The following ZNF385D variants were observed in gnomAD, a reference collection of about 807,000 sequenced individuals.
ZNF385D encodes the protein zinc finger protein 385D.
Under a neutral mutation model 35.8 loss-of-function variants are expected in ZNF385D, and 15 were observed. That is an observed-to-expected ratio of 0.42 (90% CI 0.28 to 0.64). The LOEUF (loss-of-function observed/expected upper bound fraction) is 0.64, where lower values mean the gene tolerates loss of function less well. Ranked by LOEUF, ZNF385D falls within the 30% of genes least tolerant of loss-of-function variation. The pLI is 0.23. For missense variants in ZNF385D, 474 were observed against 494.6 expected (o/e 0.96, Z 0.39); for synonymous variants, 212 against 186.8 (o/e 1.13, Z -1.10).
At chr3:22,075,764 C>A (rs1175626139) in intron 3 of ZNF385D, among the ~76,000 whole-genome samples, 1 of 151,912 alleles carries the variant, frequency 6.6e-6, no homozygotes, top group Admixed American at 6.6e-5. Context: ...TTTCTCTGAG[C>A]TTTAGCTTCA....
chr3:21,955,424 C>T (rs1201376945), intron 3 of ZNF385D, among the ~76,000 whole-genome samples: 1 of 152,074 alleles, frequency 6.6e-6, no homozygotes, highest in Non-Finnish European at 1.5e-5. Context: ...AATGTTCTTC[C>T]ATATCCATCT....
chr3:22,164,544 A>C (rs1237082398), intron 3 of ZNF385D, among the ~76,000 whole-genome samples: 1 of 151,838 alleles, frequency 6.6e-6, no homozygotes, highest in Non-Finnish European at 1.5e-5. Flanking sequence ...ACACTTTTTA[A>C]AGGGAATTGA....
intron 5 of ZNF385D, 83 bp from the exon 6 acceptor site, chr3:21,425,753 A>G: frequency 7.5e-7 from 1 of 1,338,040 alleles, no homozygotes; most frequent in South Asian, 1.6e-5. Context: ...GAGGAAAAAA[A>G]TCTTAGCTAG....
chr3:22,208,475 C>T (rs1169453988), intron 2 of ZNF385D, among the ~76,000 whole-genome samples: 1 of 151,292 alleles, frequency 6.6e-6, no homozygotes, highest in African/African-American at 2.4e-5. Context: ...GGGGGGTTAA[C>T]CGAGTTGGTT....
chr3:22,158,145 A>G (rs1329003810), intron 3 of ZNF385D, among the ~76,000 whole-genome samples: 5 of 152,102 alleles, frequency 3.3e-5, no homozygotes, highest in African/African-American at 9.7e-5. Flanking sequence ...ACTTTCTGAC[A>G]TCTCCGGTTT....
chr3:21,726,429 C>T (rs1377899634), intron 1 of ZNF385D, among the ~76,000 whole-genome samples: 1 of 152,128 alleles, frequency 6.6e-6, no homozygotes, highest in East Asian at 1.9e-4. Context: ...TTAGAAAACT[C>T]CATCATCTCA....
chr3:21,514,429 A>G (rs879346286), intron 3 of ZNF385D, among the ~76,000 whole-genome samples: 2 of 152,146 alleles, frequency 1.3e-5, no homozygotes, highest in Admixed American at 1.3e-4. Flanking sequence ...AAATTGAATT[A>G]AGTTTAGCCT....
intron 3 of ZNF385D, among the ~76,000 whole-genome samples, chr3:22,081,620 G>A (rs555024181): frequency 6.6e-6 from 1 of 152,222 alleles, no homozygotes; most frequent in Admixed American, 6.5e-5. Context: ...GCCAACTGTT[G>A]TCACAGTAAG....
At chr3:21,690,942 G>C (rs182386066) in intron 1 of ZNF385D, among the ~76,000 whole-genome samples, 10 of 152,176 alleles carry the variant, frequency 6.6e-5, no homozygotes, top group Non-Finnish European at 1.3e-4. Flanking sequence ...CAAAATCTTG[G>C]AACTCTGGCG....
chr3:21,864,359 A>G (rs760590987), intron 3 of ZNF385D, among the ~76,000 whole-genome samples: 1 of 152,120 alleles, frequency 6.6e-6, no homozygotes, highest in Non-Finnish European at 1.5e-5. Context: ...GGAAAATTAC[A>G]AATTCTCTGA....
chr3:21,663,161 A>G (rs1290381945), intron 2 of ZNF385D, among the ~76,000 whole-genome samples: 1 of 152,208 alleles, frequency 6.6e-6, no homozygotes, highest in Non-Finnish European at 1.5e-5. Flanking sequence ...TAACCTCCCA[A>G]TAAAGAGACT....
chr3:21,996,384 T>A (rs923128554), intron 3 of ZNF385D, among the ~76,000 whole-genome samples: 1 of 152,248 alleles, frequency 6.6e-6, no homozygotes. Flanking sequence ...TTCCTTCATT[T>A]TCCATGCCTC....
At chr3:21,838,396 A>G (rs1340915308) in intron 3 of ZNF385D, among the ~76,000 whole-genome samples, 1 of 152,132 alleles carries the variant, frequency 6.6e-6, no homozygotes, top group African/African-American at 2.4e-5. Context: ...CTTGTTTGTG[A>G]ACAGCTTCCA....
chr3:21,757,849 T>C (rs928555241), intron 3 of ZNF385D, among the ~76,000 whole-genome samples: 2 of 152,228 alleles, frequency 1.3e-5, no homozygotes, highest in African/African-American at 4.8e-5. Flanking sequence ...GAGACATGTA[T>C]ATCATGTTCA....
At chr3:21,606,485 G>T (rs2064488353) in intron 2 of ZNF385D, among the ~76,000 whole-genome samples, 1 of 152,120 alleles carries the variant, frequency 6.6e-6, no homozygotes, top group Non-Finnish European at 1.5e-5. Context: ...ATATATTTTA[G>T]ATCCATAGGT....
At chr3:21,508,963 T>C (rs950886642) in intron 4 of ZNF385D, among the ~76,000 whole-genome samples, 7 of 127,206 alleles carry the variant, frequency 5.5e-5, no homozygotes, top group African/African-American at 1.7e-4. Context: ...ACAACACACC[T>C]GGGGGCTTTT....
At chr3:22,107,056 C>CTTTTTT (rs1467865284) in intron 3 of ZNF385D, among the ~76,000 whole-genome samples, 2 of 104,370 alleles carry the variant, frequency 1.9e-5, no homozygotes, top group Non-Finnish European at 2.1e-5. Context: ...CAGAGTTTTG[C>CTTTTTT]TCTTGTTGCC....
intron 1 of ZNF385D, among the ~76,000 whole-genome samples, chr3:21,740,580 T>C (rs2069464909): frequency 6.6e-6 from 1 of 152,134 alleles, no homozygotes; most frequent in African/African-American, 2.4e-5. Flanking sequence ...ATGTTCACTG[T>C]GGAAACCAGG....
At chr3:22,139,654 T>C (rs1054693251) in intron 3 of ZNF385D, among the ~76,000 whole-genome samples, 1 of 152,028 alleles carries the variant, frequency 6.6e-6, no homozygotes, top group Non-Finnish European at 1.5e-5. Context: ...TTAGGTGATA[T>C]ACCTAATGTT....
Sources: gnomAD v4.1 joint callset for allele counts (sites outside exome capture counted in the v4.1 genomes callset) on GRCh38, gnomAD v4.1.1 for gene constraint, MANE v1.5 for transcripts, NCBI Gene and HGNC (gene_info 2026-07-23, HGNC 2026-07-21) for gene names.